TNFSF4: variants seen among roughly 807,000 people sequenced by gnomAD.
The protein encoded by TNFSF4 is TNF superfamily member 4.
In TNFSF4, 4 loss-of-function variants were observed where a neutral mutation model predicts 7.3. The ratio of observed to expected loss-of-function variants is 0.55; its 90% CI spans 0.27 to 1.25. The LOEUF is 1.25. Ranked by LOEUF, TNFSF4 falls within the 50% of genes most tolerant of loss-of-function variation. TNFSF4 has a pLI of 0.12. For synonymous variants in TNFSF4, 76 were observed against 83.7 expected, an observed-to-expected ratio of 0.91 and a Z score of 0.50; for missense variants, 181 against 208.8, an observed-to-expected ratio of 0.87 and a Z score of 0.82.
At chr1:173,322,338 G>A in the TNFSF4 span, among the ~76,000 whole-genome samples, 1 of 152,114 alleles carries the variant, frequency 6.6e-6, no homozygotes, top group Non-Finnish European at 1.5e-5. Flanking sequence ...GGGGCGGGGG[G>A]CAAGGGGAGG....
the TNFSF4 span, among the ~76,000 whole-genome samples, chr1:173,220,512 A>G: frequency 6.6e-6 from 1 of 152,196 alleles, no homozygotes; most frequent in African/African-American, 2.4e-5. Context: ...TCTTAGTGTT[A>G]TGGACTGAAT....
chr1:173,429,038 A>G, the TNFSF4 span, among the ~76,000 whole-genome samples: 1 of 152,058 alleles, frequency 6.6e-6, no homozygotes, highest in Admixed American at 6.6e-5. Flanking sequence ...AGAAAGAAAT[A>G]ACATATCAAA....
chr1:173,275,329 CAG>C, the TNFSF4 span, among the ~76,000 whole-genome samples: 1 of 152,114 alleles, frequency 6.6e-6, no homozygotes, highest in Admixed American at 6.6e-5. Flanking sequence ...CTTTGCTCCA[CAG>C]AGAGAAACTA....
At chr1:173,338,611 G>A in the TNFSF4 span, among the ~76,000 whole-genome samples, 1 of 152,150 alleles carries the variant, frequency 6.6e-6, no homozygotes, top group African/African-American at 2.4e-5. Flanking sequence ...GTACAGTGCT[G>A]TTTCTCCCAT....
the TNFSF4 span, among the ~76,000 whole-genome samples, chr1:173,428,406 T>A: frequency 6.6e-6 from 1 of 152,188 alleles, no homozygotes; most frequent in Middle Eastern, 3.2e-3. Flanking sequence ...CAGGACAAAG[T>A]ACTCAGTTTT....
At chr1:173,396,663 C>T in the TNFSF4 span, among the ~76,000 whole-genome samples, 5 of 152,260 alleles carry the variant, frequency 3.3e-5, no homozygotes, top group South Asian at 1.0e-3. Context: ...GACTGATCAG[C>T]TGAAACATGG....
At chr1:173,395,383 T>TATATATATATAG in the TNFSF4 span, among the ~76,000 whole-genome samples, 1 of 60,674 alleles carries the variant, frequency 1.6e-5, no homozygotes, top group Non-Finnish European at 3.5e-5. Context: ...ATATAATATA[T>TATATATATATAG]ATATATATAT....
chr1:173,317,332 A>G, the TNFSF4 span, among the ~76,000 whole-genome samples: 8 of 152,216 alleles, frequency 5.3e-5, no homozygotes, highest in Non-Finnish European at 1.0e-4. Flanking sequence ...TGATACCTGC[A>G]TGGTAATCTG....
At chr1:173,419,988 G>C in the TNFSF4 span, among the ~76,000 whole-genome samples, 1 of 151,992 alleles carries the variant, frequency 6.6e-6, no homozygotes, top group Non-Finnish European at 1.5e-5. Flanking sequence ...CCTTTCCCCC[G>C]ATTTTTACCT....
At chr1:173,241,455 G>A in the TNFSF4 span, among the ~76,000 whole-genome samples, 5 of 152,202 alleles carry the variant, frequency 3.3e-5, no homozygotes, top group African/African-American at 1.2e-4. Context: ...CCAGAGGATA[G>A]ACCATACATT....
chr1:173,260,460 C>T, the TNFSF4 span, among the ~76,000 whole-genome samples: 1 of 152,122 alleles, frequency 6.6e-6, no homozygotes, highest in Admixed American at 6.5e-5. Context: ...CAGCTAGCAT[C>T]ATGATGATAG....
chr1:173,224,763 G>A, the TNFSF4 span, among the ~76,000 whole-genome samples: 17 of 152,206 alleles, frequency 1.1e-4, no homozygotes, highest in Admixed American at 9.8e-4. Context: ...ATTAAACTGG[G>A]GGCATGGGAG....
chr1:173,424,743 T>C, the TNFSF4 span, among the ~76,000 whole-genome samples: 1 of 152,194 alleles, frequency 6.6e-6, no homozygotes, highest in Admixed American at 6.5e-5. Flanking sequence ...GAAAATGAAG[T>C]TGCAAATGTG....
At chr1:173,180,518 C>A (rs1262667263), downstream of TNFSF4, among the ~76,000 whole-genome samples, 1 of 151,890 alleles carries the variant, frequency 6.6e-6, no homozygotes, top group Non-Finnish European at 1.5e-5. Flanking sequence ...AAATTGACAC[C>A]CTAGAAATGA....
the TNFSF4 span, among the ~76,000 whole-genome samples, chr1:173,427,122 A>G: frequency 6.6e-6 from 1 of 152,224 alleles, no homozygotes; most frequent in Non-Finnish European, 1.5e-5. Flanking sequence ...AATTTGTCAC[A>G]GCACCAACAA....
chr1:173,276,658 C>T, the TNFSF4 span, among the ~76,000 whole-genome samples: 1 of 152,224 alleles, frequency 6.6e-6, no homozygotes, highest in Non-Finnish European at 1.5e-5. Context: ...TGGGAGTTTT[C>T]TATTTGACAT....
the TNFSF4 span, among the ~76,000 whole-genome samples, chr1:173,331,035 C>G: frequency 3.3e-5 from 5 of 151,996 alleles, no homozygotes; most frequent in Non-Finnish European, 7.4e-5. Flanking sequence ...CAGGCGCCCA[C>G]CACCATGCCA....
chr1:173,292,733 T>C, the TNFSF4 span, among the ~76,000 whole-genome samples: 85,198 of 151,734 alleles, frequency 0.56, 24,292 homozygotes, highest in Middle Eastern at 0.67. Flanking sequence ...TAGAATTCTA[T>C]ACTTAGAAAA....
intron 1 of TNFSF4, among the ~76,000 whole-genome samples, chr1:173,196,247 T>G (rs1181777615): frequency 2.0e-5 from 3 of 152,190 alleles, no homozygotes; most frequent in Non-Finnish European, 4.4e-5. Context: ...TTTCTCATAT[T>G]CAGAAAGACT....
Sources: gnomAD v4.1 joint callset for allele counts (sites outside exome capture counted in the v4.1 genomes callset) on GRCh38, gnomAD v4.1.1 for gene constraint, MANE v1.5 for transcripts, NCBI Gene and HGNC (gene_info 2026-07-23, HGNC 2026-07-21) for gene names.